ANAPC1: variants seen among roughly 807,000 people sequenced by gnomAD.
ANAPC1 encodes the protein anaphase-promoting complex subunit 1.
In ANAPC1, 36 loss-of-function variants were observed where a neutral mutation model predicts 208.0. That is an observed-to-expected ratio of 0.17 (90% CI 0.13 to 0.23). The LOEUF is 0.23. Ranked by LOEUF, ANAPC1 falls within the 10% of genes least tolerant of loss-of-function variation. ANAPC1 has a pLI of 1.00. For missense variants in ANAPC1, 942 were observed against 2,011.6 expected, an observed-to-expected ratio of 0.47 and a Z score of 10.17; for synonymous variants, 378 against 695.2, an observed-to-expected ratio of 0.54 and a Z score of 7.18.
At chr2:111,851,555 C>G (rs896057799) in intron 13 of ANAPC1, among the ~76,000 whole-genome samples, 9 of 152,004 alleles carry the variant, frequency 5.9e-5, no homozygotes, top group African/African-American at 2.2e-4. Context: ...GCCTGTAATC[C>G]TAACACTTTG....
At chr2:111,835,058 G>A (rs148223480) in intron 18 of ANAPC1, among the ~76,000 whole-genome samples, 186 bp from the exon 19 acceptor site, 7,287 of 150,620 alleles carry the variant, frequency 0.048, 552 homozygotes, top group African/African-American at 0.16. Context: ...AGTTATAAAC[G>A]TTAAGGCAAG....
At chr2:111,878,459 T>C (rs1683128877) in intron 3 of ANAPC1, among the ~76,000 whole-genome samples, 1 of 152,332 alleles carries the variant, frequency 6.6e-6, no homozygotes, top group Non-Finnish European at 1.5e-5. Flanking sequence ...GATTTTTATT[T>C]ATTCAAATCT....
At chr2:111,862,695 A>C (rs1682142220) in intron 9 of ANAPC1, 97 bp from the exon 10 acceptor site, 14 of 1,489,686 alleles carry the variant, frequency 9.4e-6, no homozygotes, top group Non-Finnish European at 1.2e-5. Context: ...CACAGACAGA[A>C]GAGCATTCAT....
At chr2:111,797,302 T>C (rs1377237594) in intron 34 of ANAPC1, among the ~76,000 whole-genome samples, 6 of 151,994 alleles carry the variant, frequency 3.9e-5, no homozygotes, top group African/African-American at 7.3e-5. Context: ...ATATGTCTGA[T>C]GTATCTTTAA....
intron 29 of ANAPC1, among the ~76,000 whole-genome samples, chr2:111,806,203 G>GT (rs1365554360): frequency 8.8e-6 from 1 of 113,956 alleles, no homozygotes; most frequent in Non-Finnish European, 1.8e-5. Context: ...AGGGAAAAAG[G>GT]TAAGAGTATT....
intron 45 of ANAPC1, 27 bp from the exon 46 acceptor site, chr2:111,777,084 T>C (rs1677031612): frequency 4.3e-6 from 2 of 465,476 alleles, no homozygotes; most frequent in East Asian, 8.0e-5. Context: ...GACAACAATC[T>C]ATTTAATCAA....
rs1435638489 is a variant in ANAPC1 at position 111,863,705 on chromosome 2, G to A, written c.1022C>T (p.Ser341Leu). Reference sequence around the variant, plus strand: ...AGCTGCCATGTTGGAAATAGAAGGTGAGCGAGAATGTAGACTGGGTGATGA... The same window carrying A: ...AGCTGCCATGTTGGAAATAGAAGGTAAGCGAGAATGTAGACTGGGTGATGA... The part of the protein sequence containing the change: ...STSSPSLHSR[S>L]PSISNMAALS... Residue 341 changes from serine to leucine, a missense_variant, in exon 9 of 48, where the codon TCA (serine) becomes TTA (leucine). Coordinates refer to ENST00000341068, the MANE Select transcript of ANAPC1 (RefSeq NM_022662.4). The A allele has an allele frequency of 3.4e-5, 55 of 1,613,866 alleles. No individual in the cohort carries two copies. Among genetic ancestry groups the A allele is most frequent in the Non-Finnish European group, 4.4e-5 (52 of 1,179,796 alleles).
chr2:111,826,864 T>C (rs1418666940), intron 21 of ANAPC1, among the ~76,000 whole-genome samples: 1 of 152,128 alleles, frequency 6.6e-6, no homozygotes, highest in African/African-American at 2.4e-5. Context: ...TTTCACCATG[T>C]TGGCCAGGAT....
At chr2:111,836,967 C>A (rs1181469484) in intron 18 of ANAPC1, among the ~76,000 whole-genome samples, 75 of 135,302 alleles carry the variant, frequency 5.5e-4, no homozygotes, top group Non-Finnish European at 5.9e-4. Context: ...GACTCCGTCT[C>A]AAAAAAAAAA....
intron 28 of ANAPC1, among the ~76,000 whole-genome samples, chr2:111,811,097 G>A (rs1221009746): frequency 6.6e-6 from 1 of 152,032 alleles, no homozygotes; most frequent in African/African-American, 2.4e-5. Flanking sequence ...GCAACTAAAG[G>A]TATCTGGCCA....
At chr2:111,792,174 T>G (rs1677912159) in intron 38 of ANAPC1, among the ~76,000 whole-genome samples, 188 bp downstream of exon 38, 1 of 149,800 alleles carries the variant, frequency 6.7e-6, no homozygotes, top group African/African-American at 2.5e-5. Context: ...AGGATGGTAA[T>G]TCTACTGAGT....
intron 46 of ANAPC1, among the ~76,000 whole-genome samples, chr2:111,773,371 G>A (rs1386084719): frequency 1.3e-5 from 2 of 152,244 alleles, no homozygotes; most frequent in Non-Finnish European, 2.9e-5. Flanking sequence ...TGAGGATAAA[G>A]TCATGGCACA....
At position 111,800,519 on chromosome 2, in the gene ANAPC1, ATATT is replaced by A. The variant is rs1338711566; in HGVS notation, c.4296+274_4296+277del. On this transcript the variant is annotated intron_variant, in intron 34 of 47. Coordinates refer to ENST00000341068, the MANE Select transcript of ANAPC1 (RefSeq NM_022662.4). ...ACTTTTTTAGAGTATTCTGGCAAAC[ATATT>A]TAGTTTTTTCCTTTCATTTTTTAAC... 4.5e-4 allele frequency among the ~76,000 whole-genome samples: 55 copies of A among 120,956 alleles called. No individual in the cohort carries two copies. In the East Asian group the frequency reaches 0.012, roughly 27 times the overall value. 79.4% of individuals were successfully genotyped at this position (120,956 alleles called of 152,430 possible).
chr2:111,861,629 CT>C (rs1247639955), intron 10 of ANAPC1, among the ~76,000 whole-genome samples: 1 of 137,490 alleles, frequency 7.3e-6, no homozygotes, highest in Non-Finnish European at 1.6e-5. Context: ...ACTTATTAGA[CT>C]GTTAACTAGC....
intron 34 of ANAPC1, among the ~76,000 whole-genome samples, chr2:111,800,464 T>C (rs1218157377): frequency 1.5e-5 from 2 of 133,042 alleles, no homozygotes; most frequent in East Asian, 2.1e-4. Flanking sequence ...ATCTTAGAAA[T>C]GTGCACTTAA....
At chr2:111,865,879 C>T (rs1021282135) in intron 7 of ANAPC1, 30 of 245,358 alleles carry the variant, frequency 1.2e-4, no homozygotes, top group South Asian at 5.5e-5. Context: ...AAACTGTGCC[C>T]GACGTGTGCC....
intron 21 of ANAPC1, among the ~76,000 whole-genome samples, chr2:111,831,020 C>T (rs1573413970): frequency 6.6e-6 from 1 of 152,164 alleles, no homozygotes; most frequent in East Asian, 1.9e-4. Flanking sequence ...CCAACTATGG[C>T]ACATTCATGC....
intron 28 of ANAPC1, among the ~76,000 whole-genome samples, chr2:111,815,136 C>A (rs1679167843): frequency 7.1e-6 from 1 of 140,174 alleles, no homozygotes. Flanking sequence ...TCTACTCTGC[C>A]TTACTCAAGG....
At chr2:111,848,454 A>C (rs894196293) in intron 14 of ANAPC1, among the ~76,000 whole-genome samples, 3 of 151,738 alleles carry the variant, frequency 2.0e-5, no homozygotes, top group African/African-American at 7.3e-5. Context: ...AGCCAGCAGC[A>C]CTGTTAGCAA....
Sources: gnomAD v4.1 joint callset for allele counts (sites outside exome capture counted in the v4.1 genomes callset) on GRCh38, gnomAD v4.1.1 for gene constraint, MANE v1.5 for transcripts, NCBI Gene and HGNC (gene_info 2026-07-23, HGNC 2026-07-21) for gene names.